FUBP3: variants seen among roughly 807,000 people sequenced by gnomAD.
FUBP3 encodes far upstream element binding protein 3.
FUBP3 carries 28 observed loss-of-function variants against 85.6 expected under a neutral mutation model. That is an observed-to-expected ratio of 0.33 (90% CI 0.24 to 0.45). The LOEUF (loss-of-function observed/expected upper bound fraction) is 0.45, where lower values mean the gene tolerates loss of function less well. Ranked by LOEUF, FUBP3 falls within the 20% of genes least tolerant of loss-of-function variation. The pLI, the probability that FUBP3 is intolerant of heterozygous loss-of-function variation, is 1.00. For synonymous variants in FUBP3, 271 were observed against 271.4 expected (o/e 1.00, Z 0.01); for missense variants, 583 against 755.1 (o/e 0.77, Z 2.67).
intron 2 of FUBP3, among the ~76,000 whole-genome samples, chr9:130,599,108 C>G (rs1388917071): frequency 6.6e-6 from 1 of 152,130 alleles, no homozygotes. Flanking sequence ...CTGGCTGACA[C>G]GGTGAAACCC....
At chr9:130,582,493 A>G (rs1459425376) in intron 1 of FUBP3, among the ~76,000 whole-genome samples, 2 of 152,038 alleles carry the variant, frequency 1.3e-5, no homozygotes, top group Non-Finnish European at 2.9e-5. Context: ...ATGTGATCTC[A>G]TTCAGTTCCA....
chr9:130,622,539 G>A (rs1244766039), intron 9 of FUBP3, among the ~76,000 whole-genome samples, 169 bp from the exon 10 acceptor site: 2 of 151,420 alleles, frequency 1.3e-5, no homozygotes, highest in Admixed American at 6.6e-5. Context: ...GCTGAGGTGG[G>A]AGAATCATTG....
intron 1 of FUBP3, among the ~76,000 whole-genome samples, chr9:130,585,285 C>T (rs1053162178): frequency 6.6e-6 from 1 of 152,232 alleles, no homozygotes; most frequent in African/African-American, 2.4e-5. Context: ...CATTCACACT[C>T]TCCGGGTTGT....
intron 1 of FUBP3, among the ~76,000 whole-genome samples, chr9:130,591,609 T>C (rs759719387): frequency 3.9e-5 from 6 of 152,210 alleles, no homozygotes; most frequent in African/African-American, 1.4e-4. Flanking sequence ...TACATTGTAA[T>C]GTTGAACTCA....
intron 11 of FUBP3, among the ~76,000 whole-genome samples, chr9:130,625,762 C>G (rs1481628485): frequency 2.6e-5 from 4 of 152,212 alleles, no homozygotes; most frequent in African/African-American, 9.6e-5. Context: ...CAGGTTCCCT[C>G]TGTTCCTCCC....
At chr9:130,611,863 G>C (rs1451621682) in intron 3 of FUBP3, among the ~76,000 whole-genome samples, 1 of 151,876 alleles carries the variant, frequency 6.6e-6, no homozygotes, top group Non-Finnish European at 1.5e-5. Flanking sequence ...ACCTTGCAGA[G>C]TAAGTGAGGT....
In FUBP3 at chr9:130,579,601, C is replaced by A; in HGVS notation, c.-80C>A. 1.1e-6 allele frequency: 1 copy of A among 896,126 alleles called. No homozygotes were observed. Among genetic ancestry groups the A allele is most frequent in the Non-Finnish European group, 1.5e-6 (1 of 683,908 alleles). The allele number at this position is 896,126 out of a possible 1,614,324, so 55.5% of individuals were successfully genotyped here. On this transcript the variant is annotated 5_prime_UTR_variant, in exon 1 of 19. Transcript: ENST00000319725. ...CCTTTTCCGGCTACGGGTCCCCAAG[C>A]GGAGCGGGAGGCCGGACCGGGGAGC...
At chr9:130,629,123 A>G (rs1378489799) in intron 12 of FUBP3, among the ~76,000 whole-genome samples, 4 of 152,142 alleles carry the variant, frequency 2.6e-5, no homozygotes, top group Non-Finnish European at 4.4e-5. Context: ...CCTGCTTTTC[A>G]TGGTGCAGAG....
chr9:130,630,923 C>G, intron 13 of FUBP3, 135 bp downstream of exon 13: 1 of 690,542 alleles, frequency 1.4e-6, no homozygotes, highest in South Asian at 3.9e-5. Flanking sequence ...CAAGCCCCCT[C>G]CTGCTTTGCC....
chr9:130,631,706 C>G, intron 14 of FUBP3, 76 bp downstream of exon 14: 1 of 1,218,132 alleles, frequency 8.2e-7, no homozygotes, highest in East Asian at 2.4e-5. Flanking sequence ...CCAGCTACTT[C>G]TAGCGAGTGC....
intron 12 of FUBP3, among the ~76,000 whole-genome samples, chr9:130,628,129 C>T (rs1470757366): frequency 7.0e-6 from 1 of 142,124 alleles, no homozygotes; most frequent in Non-Finnish European, 1.6e-5. Flanking sequence ...CACACACACC[C>T]CCTACCCCTC....
chr9:130,603,379 A>T (rs1293591519), intron 2 of FUBP3, among the ~76,000 whole-genome samples: 2 of 149,734 alleles, frequency 1.3e-5, no homozygotes, highest in African/African-American at 4.9e-5. Context: ...CAAATAGTGA[A>T]GGGGACAGGG....
At chr9:130,625,584 A>T (rs1032073290) in intron 11 of FUBP3, among the ~76,000 whole-genome samples, 3 of 152,240 alleles carry the variant, frequency 2.0e-5, no homozygotes, top group Non-Finnish European at 4.4e-5. Context: ...TAAATACTGC[A>T]GCTCCAAAAT....
intron 5 of FUBP3, among the ~76,000 whole-genome samples, chr9:130,613,569 T>C (rs1199908239): frequency 6.6e-6 from 1 of 152,212 alleles, no homozygotes; most frequent in Non-Finnish European, 1.5e-5. Context: ...ATTTTATTTA[T>C]GGTTTTGTCA....
At chr9:130,624,609 TTGTGTGTGTGTGTGTGTGTGTGTGTG>T (rs138986229) in intron 11 of FUBP3, among the ~76,000 whole-genome samples, 4 of 143,876 alleles carry the variant, frequency 2.8e-5, no homozygotes, top group Admixed American at 6.9e-5. Flanking sequence ...TTACAAGATT[TTGTGTGTGTGTGTGTGTGTGTGTGTG>T]TGTGTGTGTG....
rs569926839 is a variant in FUBP3 at position 130,599,359 on chromosome 9, A to G, written c.190+3771A>G. ...CATATATACACATATATATAAGTAT[A>G]TGTGTGTGTGTGTGTGTGTGTGTGT... is the stretch of plus-strand genomic sequence containing the variant. On this transcript the variant is annotated intron_variant, in intron 2 of 18. Coordinates refer to ENST00000319725, the MANE Select transcript of FUBP3 (RefSeq NM_003934.2). 1.5e-3 allele frequency among the ~76,000 whole-genome samples: 218 copies of G among 148,930 alleles called. 2 individuals carry two copies. The highest frequency in any genetic ancestry group is 4.2e-3 in the African/African-American group (171 of 40,256).
chr9:130,579,791 C>G, intron 1 of FUBP3, 27 bp downstream of exon 1: 7 of 1,241,528 alleles, frequency 5.6e-6, no homozygotes, highest in Non-Finnish European at 7.1e-6. Flanking sequence ...CTGGCAGGAG[C>G]ACGAGATCCC....
At chr9:130,591,618 C>T (rs961685143) in intron 1 of FUBP3, among the ~76,000 whole-genome samples, 1 of 152,162 alleles carries the variant, frequency 6.6e-6, no homozygotes, top group African/African-American at 2.4e-5. Context: ...ATGTTGAACT[C>T]ATACCCAGCA....
At chr9:130,629,437 C>T (rs550531474) in intron 12 of FUBP3, among the ~76,000 whole-genome samples, 111 of 152,374 alleles carry the variant, frequency 7.3e-4, no homozygotes, top group South Asian at 1.2e-3. Context: ...TTTTCTCCCC[C>T]GTAAGGGCAG....
Sources: gnomAD v4.1 joint callset for allele counts (sites outside exome capture counted in the v4.1 genomes callset) on GRCh38, gnomAD v4.1.1 for gene constraint, MANE v1.5 for transcripts, NCBI Gene and HGNC (gene_info 2026-07-23, HGNC 2026-07-21) for gene names.